Variants in SPTLC2 observed in about 807,000 individuals in gnomAD.
SPTLC2 encodes serine palmitoyltransferase long chain base subunit 2.
In SPTLC2, 21 loss-of-function variants were observed where a neutral mutation model predicts 62.0. That is an observed-to-expected ratio of 0.34 (90% CI 0.24 to 0.49). The LOEUF is 0.49. Ranked by LOEUF, SPTLC2 falls within the 20% of genes least tolerant of loss-of-function variation. The pLI is 0.99. For synonymous variants in SPTLC2, 261 were observed against 261.8 expected (o/e 1.00, Z 0.03); for missense variants, 511 against 713.0 (o/e 0.72, Z 3.23).
chr14:77,614,707 GC>G (rs892429697), intron 1 of SPTLC2, among the ~76,000 whole-genome samples: 1 of 147,328 alleles, frequency 6.8e-6, no homozygotes, highest in African/African-American at 2.5e-5. Context: ...TCGGCCTGGT[GC>G]GCCTGTAATC....
At position 77,613,550 on chromosome 14, in the gene SPTLC2, A is replaced by G. The variant is rs148353105; in HGVS notation, c.132+2898T>C. 1.8e-3 allele frequency among the ~76,000 whole-genome samples: 273 copies of G among 152,326 alleles called. 1 individual carries two copies. Among genetic ancestry groups the G allele is most frequent in the African/African-American group, 6.2e-3 (256 of 41,564 alleles). ...TCATCAAATTCTAAACCCAAATCCAAGAGTTGTTCTTTTACTATACACATT... is the reference window on the plus strand; with the variant it reads ...TCATCAAATTCTAAACCCAAATCCAGGAGTTGTTCTTTTACTATACACATT... On this transcript the variant is annotated intron_variant, in intron 1 of 11. Transcript: ENST00000216484.
At chr14:77,593,383 T>C (rs2079829131) in intron 2 of SPTLC2, among the ~76,000 whole-genome samples, 1 of 152,336 alleles carries the variant, frequency 6.6e-6, no homozygotes, top group South Asian at 2.1e-4. Flanking sequence ...CCTTGAGTGA[T>C]CCTCCTGCCT....
In SPTLC2 at chr14:77,512,865, G is replaced by A. The variant is rs534595879; in HGVS notation, c.1570-462C>T. On this transcript the variant is annotated intron_variant, in intron 11 of 11. Coordinates refer to ENST00000216484, the MANE Select transcript of SPTLC2 (RefSeq NM_004863.4). Reference sequence around the variant, plus strand: ...CAAGTAGCTGGGATTACAGGTGCCCGCCATCATGCTCAGCTAATTTTTGTA... The same window carrying A: ...CAAGTAGCTGGGATTACAGGTGCCCACCATCATGCTCAGCTAATTTTTGTA... Among the ~76,000 whole-genome samples the A allele has an allele frequency of 8.3e-4, 126 of 152,020 alleles. 1 individual carries two copies. Among genetic ancestry groups the A allele is most frequent in the African/African-American group, 2.9e-3 (122 of 41,484 alleles).
chr14:77,562,374 G>A, intron 6 of SPTLC2, 22 bp downstream of exon 6: 2 of 1,609,312 alleles, frequency 1.2e-6, no homozygotes, highest in South Asian at 1.1e-5. Flanking sequence ...AAGGCCAGCA[G>A]TGAATTCTTC....
intron 11 of SPTLC2, among the ~76,000 whole-genome samples, chr14:77,515,542 C>CT (rs71128633): frequency 0.011 from 1,420 of 124,442 alleles, 84 homozygotes; most frequent in African/African-American, 0.026. Flanking sequence ...AAGGGAAAGG[C>CT]TTTTTTTTTT....
intron 2 of SPTLC2, among the ~76,000 whole-genome samples, chr14:77,588,985 A>T: frequency 7.8e-6 from 1 of 127,658 alleles, no homozygotes; most frequent in Non-Finnish European, 1.6e-5. Context: ...TGACAGAGTA[A>T]GACCTTGTCT....
intron 2 of SPTLC2, 48 bp from the exon 3 acceptor site, chr14:77,579,157 T>C: frequency 6.3e-7 from 1 of 1,598,752 alleles, no homozygotes; most frequent in South Asian, 1.1e-5. Flanking sequence ...GTTACTTTAT[T>C]AAAAAATTTT....
In SPTLC2 at chr14:77,555,383, G is replaced by C; in HGVS notation, c.1093C>G (p.Leu365Val). The part of the protein sequence containing the change: ...TGRGVVEYFG[L>V]DPEDVDVMMG... ...ATAACATCCACATCCTCGGGATCCAGGCCAAAGTACTCCACCACACCCCGG... is the reference window on the plus strand; with the variant it reads ...ATAACATCCACATCCTCGGGATCCACGCCAAAGTACTCCACCACACCCCGG... Residue 365 changes from leucine (L) to valine (V), a missense_variant, in exon 8 of 12, where the codon CTG becomes GTG. Leu to Val is a conservative substitution (Grantham distance 32). Transcript: ENST00000216484. The C allele has an allele frequency of 6.2e-7, 1 of 1,614,104 alleles. No homozygotes were observed. The highest frequency in any genetic ancestry group is 8.5e-7 in the Non-Finnish European group (1 of 1,180,032).
At chr14:77,516,767 A>G (rs1243652273) in intron 11 of SPTLC2, among the ~76,000 whole-genome samples, 3 of 152,236 alleles carry the variant, frequency 2.0e-5, no homozygotes, top group Non-Finnish European at 2.9e-5. Context: ...TGTTAAGAGG[A>G]CAGATCTCAT....
At chr14:77,577,011 A>C (rs2079720073) in intron 3 of SPTLC2, 96 bp from the exon 4 acceptor site, 16 of 1,398,680 alleles carry the variant, frequency 1.1e-5, no homozygotes, top group Non-Finnish European at 1.3e-5. Context: ...AAGCAGAGAG[A>C]ACAAAGTCTA....
intron 11 of SPTLC2, among the ~76,000 whole-genome samples, chr14:77,516,079 T>G (rs75840675): frequency 0.069 from 10,218 of 148,914 alleles, 526 homozygotes; most frequent in Admixed American, 0.16. Flanking sequence ...AGGCCCATTA[T>G]TAAATGAAAA....
intron 2 of SPTLC2, among the ~76,000 whole-genome samples, chr14:77,589,662 T>G (rs374617018): frequency 6.6e-6 from 1 of 151,958 alleles, no homozygotes; most frequent in Non-Finnish European, 1.5e-5. Context: ...TTATGGCAGA[T>G]GCCTGTAATC....
At chr14:77,556,889 T>C in intron 7 of SPTLC2, 152 bp downstream of exon 7, 1 of 669,864 alleles carries the variant, frequency 1.5e-6, no homozygotes. Flanking sequence ...ACTTCTGTTC[T>C]AATGCTGACT....
At chr14:77,556,919 C>T (rs765878173) in intron 7 of SPTLC2, 122 bp downstream of exon 7, 18 of 760,704 alleles carry the variant, frequency 2.4e-5, no homozygotes, top group South Asian at 3.1e-5. Context: ...GGTATTTTAG[C>T]GACTTATAAA....
At chr14:77,600,028 C>A (rs2299925) in intron 1 of SPTLC2, among the ~76,000 whole-genome samples, 62,123 of 151,872 alleles carry the variant, frequency 0.41, 13,355 homozygotes, top group East Asian at 0.64. Context: ...TACAGAGCCC[C>A]CCCACCGCAG....
intron 9 of SPTLC2, among the ~76,000 whole-genome samples, chr14:77,528,803 T>C (rs183733201): frequency 1.3e-3 from 194 of 152,306 alleles, no homozygotes; most frequent in African/African-American, 4.4e-3. Flanking sequence ...TCTTTTACTT[T>C]AATCATCTGT....
intron 1 of SPTLC2, among the ~76,000 whole-genome samples, chr14:77,600,999 T>C (rs906959363): frequency 3.9e-5 from 6 of 152,200 alleles, no homozygotes; most frequent in African/African-American, 1.4e-4. Context: ...GTGTAATACA[T>C]ATGTTTCCAT....
intron 10 of SPTLC2, among the ~76,000 whole-genome samples, chr14:77,518,893 C>T (rs1294439560): frequency 6.6e-6 from 1 of 152,246 alleles, no homozygotes; most frequent in Admixed American, 6.5e-5. Flanking sequence ...AGTTCACCCG[C>T]TGGCTTCAGC....
Position 77,511,995 on chromosome 14 carries a change from C to T in SPTLC2, c.*289G>A, listed in dbSNP as rs1319922523. 4 of 398,234 alleles carry T rather than the reference C, an allele frequency of 1.0e-5. 1 individual carries two copies. The highest frequency in any genetic ancestry group is 1.2e-4 in the East Asian group (2 of 16,894). 24.7% of individuals were successfully genotyped at this position (398,234 alleles called of 1,614,324 possible). On this transcript the variant is annotated 3_prime_UTR_variant, in exon 12 of 12. Coordinates refer to ENST00000216484, the MANE Select transcript of SPTLC2 (RefSeq NM_004863.4). Reference sequence around the variant, plus strand: ...TTAGCCAGAGACAGGCTAGGGTCAGCGTGATTTCACAAGTAGAATGGTTGC... The same window carrying T: ...TTAGCCAGAGACAGGCTAGGGTCAGTGTGATTTCACAAGTAGAATGGTTGC...
Sources: allele counts gnomAD v4.1 joint callset (sites outside exome capture counted in the v4.1 genomes callset), GRCh38; gene constraint gnomAD v4.1.1; transcripts MANE v1.5; gene names NCBI Gene and HGNC (gene_info 2026-07-23, HGNC 2026-07-21).